The following MATR3 variants were observed in gnomAD, a reference collection of about 807,000 sequenced individuals.
MATR3 encodes matrin 3.
Under a neutral mutation model 85.5 loss-of-function variants are expected in MATR3, and 4 were observed. That is an observed-to-expected ratio of 0.05 (90% CI 0.02 to 0.11). MATR3 has a LOEUF of 0.11. Ranked by LOEUF, MATR3 falls within the 10% of genes least tolerant of loss-of-function variation. The pLI is 1.00. For synonymous variants in MATR3, 336 were observed against 343.1 expected (o/e 0.98, Z 0.23); for missense variants, 685 against 1,016.1 (o/e 0.67, Z 4.43).
At chr5:139,287,929 G>A (rs914268729) in intron 3 of MATR3, among the ~76,000 whole-genome samples, 1 of 152,132 alleles carries the variant, frequency 6.6e-6, no homozygotes, top group African/African-American at 2.4e-5. Flanking sequence ...TAATTTTGGT[G>A]GCCGGGCATG....
chr5:139,325,212 C>T lies in MATR3; in HGVS notation c.2149-228C>T, dbSNP rs997902091. ...CGTCTCAAAAAAAAAAAGGCAAAGACGCTATCCGTTTCCCTTCAAGTAAAG... is the reference window on the plus strand; with the variant it reads ...CGTCTCAAAAAAAAAAAGGCAAAGATGCTATCCGTTTCCCTTCAAGTAAAG... On this transcript the variant is annotated intron_variant, in intron 12 of 14. Coordinates refer to ENST00000394805, the MANE Select transcript of MATR3 (RefSeq NM_018834.6). 53 of 1,495,592 alleles carry T rather than the reference C, an allele frequency of 3.5e-5. No homozygotes were observed. In the East Asian group the frequency reaches 8.1e-4, roughly 23 times the overall value. The allele number at this position is 1,495,592 out of a possible 1,614,324, so 92.6% of individuals were successfully genotyped here.
At chr5:139,304,224 G>A (rs969449102) in intron 1 of MATR3, among the ~76,000 whole-genome samples, 7 of 151,934 alleles carry the variant, frequency 4.6e-5, no homozygotes, top group South Asian at 2.1e-4. Context: ...TTTGGTTATC[G>A]GGCCAGGCGT....
upstream of MATR3, among the ~76,000 whole-genome samples, chr5:139,292,973 G>A (rs1195495354): frequency 6.6e-6 from 1 of 152,150 alleles, no homozygotes; most frequent in Non-Finnish European, 1.5e-5. Flanking sequence ...AAAAACAGCT[G>A]GCTGGGCGTG....
At chr5:139,275,894 C>G (rs1323616031) in intron 1 of MATR3, among the ~76,000 whole-genome samples, 1 of 152,186 alleles carries the variant, frequency 6.6e-6, no homozygotes, top group African/African-American at 2.4e-5. Context: ...GGGGATAGAG[C>G]CAGGCTCCCT....
chr5:139,293,306 TCCCTTTGTGGC>T (rs1420489430), upstream of MATR3: 1 of 152,126 alleles, frequency 6.6e-6, no homozygotes, highest in African/African-American at 2.4e-5. Context: ...GGTATCGTTT[TCCCTTTGTGGC>T]CCCAATATCT....
chr5:139,317,463 C>G (rs1470519284), intron 6 of MATR3, 133 bp from the exon 7 acceptor site: 2 of 897,974 alleles, frequency 2.2e-6, no homozygotes, highest in Non-Finnish European at 3.5e-6. Flanking sequence ...CTTTAAAATT[C>G]TCTAGAATGT....
intron 1 of MATR3, among the ~76,000 whole-genome samples, chr5:139,301,413 G>T (rs949854055): frequency 1.3e-5 from 2 of 151,888 alleles, no homozygotes; most frequent in Non-Finnish European, 2.9e-5. Flanking sequence ...TCCACCTCCC[G>T]GGTTCAAGAG....
chr5:139,316,397 C>G lies in MATR3; in HGVS notation c.1129+209C>G, dbSNP rs575549387. 5.3e-5 allele frequency among the ~76,000 whole-genome samples: 8 copies of G among 152,118 alleles called. No individual in the cohort carries two copies. The East Asian group carries it at 1.4e-3, about 26-fold the overall frequency. On this transcript the variant is annotated intron_variant, in intron 5 of 14. Coordinates refer to ENST00000394805, the MANE Select transcript of MATR3 (RefSeq NM_018834.6). ...AGTAGCTGGGATTACAGGTGCCCAC[C>G]ACCACGCCCAGCTAATTTTCGTATT...
intron 9 of MATR3, among the ~76,000 whole-genome samples, chr5:139,321,096 A>G (rs151138601): frequency 1.8e-4 from 28 of 151,540 alleles, no homozygotes; most frequent in African/African-American, 6.5e-4. Context: ...ATGGCTTAGT[A>G]TTTGGCACTA....
chr5:139,275,286 C>T (rs993977313), intron 1 of MATR3, among the ~76,000 whole-genome samples: 1 of 151,614 alleles, frequency 6.6e-6, no homozygotes. Context: ...CGTGAGCCAC[C>T]GCGCCCGGCC....
At position 139,322,935 on chromosome 5, in the gene MATR3, G is replaced by A. The variant is rs1280780952; in HGVS notation, c.2116G>A (p.Ala706Thr). 1 of 1,614,038 alleles carries A rather than the reference G, an allele frequency of 6.2e-7. No homozygotes were observed. Among genetic ancestry groups the A allele is most frequent in the South Asian group, 1.1e-5 (1 of 91,064 alleles). ...TAAAGCTGTGAAAAAAGATGGAAGT[G>A]CTTCAGCAGCAGCAAAGAAAAAGCT... The part of the protein sequence containing the change: ...SDKAVKKDGS[A>T]SAAAKKKLKK... Residue 706 changes from alanine (A) to threonine (T), a missense_variant, in exon 12 of 15, where the codon GCT becomes ACT. Physicochemically the swap from Ala to Thr is moderately conservative, Grantham distance 58. Coordinates refer to ENST00000394805, the MANE Select transcript of MATR3 (RefSeq NM_018834.6).
At chr5:139,296,937 A>G (rs1381859113) in intron 1 of MATR3, among the ~76,000 whole-genome samples, 1 of 152,224 alleles carries the variant, frequency 6.6e-6, no homozygotes, top group Non-Finnish European at 1.5e-5. Context: ...TAGGAGGCCA[A>G]GGCGGGCGGA....
At chr5:139,286,898 G>A (rs1377228040) in intron 3 of MATR3, among the ~76,000 whole-genome samples, 2 of 151,846 alleles carry the variant, frequency 1.3e-5, no homozygotes, top group African/African-American at 4.8e-5. Flanking sequence ...CTGCTTAGTA[G>A]AGCATGTAAA....
chr5:139,314,408 CTA>C (rs1755144267), intron 2 of MATR3: 1 of 417,584 alleles, frequency 2.4e-6, no homozygotes, highest in South Asian at 2.2e-5. Context: ...TTTATTAACT[CTA>C]TATCTTTTCC....
chr5:139,276,414 A>G (rs1489348212), intron 2 of MATR3: 2 of 339,414 alleles, frequency 5.9e-6, no homozygotes, highest in Non-Finnish European at 1.2e-5. Context: ...AAATATAGTA[A>G]CACTAACGAT....
At chr5:139,314,012 G>C (rs1315791054) in intron 2 of MATR3, 4 of 152,664 alleles carry the variant, frequency 2.6e-5, no homozygotes, top group Non-Finnish European at 5.8e-5. Context: ...CGCCTTTTGG[G>C]TTCAAGAGAT....
chr5:139,293,561 GAAC>G (rs1217735858), upstream of MATR3: 3 of 165,122 alleles, frequency 1.8e-5, no homozygotes, highest in Non-Finnish European at 2.6e-5. Flanking sequence ...CGGGATTAAA[GAAC>G]AACGACCGCA....
At chr5:139,314,854 A>G (rs748693404) in intron 3 of MATR3, 118 bp downstream of exon 3, 30 of 849,242 alleles carry the variant, frequency 3.5e-5, no homozygotes, top group Non-Finnish European at 5.3e-5. Flanking sequence ...ACATAGTGGT[A>G]CTGTATGGAC....
At position 139,331,668 on chromosome 5, in the gene MATR3, A is replaced by G. The variant is rs1461953159; in HGVS notation, c.*2273A>G. 2.3e-6 allele frequency: 1 copy of G among 438,228 alleles called. No individual in the cohort carries two copies. The highest frequency in any genetic ancestry group is 4.5e-6 in the Non-Finnish European group (1 of 220,686). 27.1% of individuals were successfully genotyped at this position (438,228 alleles called of 1,614,324 possible). A position where few individuals can be genotyped will look rare whatever the true frequency, so the allele number is the denominator to read the frequency against. ...TACAAAAGTGAATGAAACTTCTAGA[A>G]GTACCTTGAGTTTGTTTTACAGTTC... On this transcript the variant is annotated 3_prime_UTR_variant, in exon 15 of 15. Coordinates refer to ENST00000394805, the MANE Select transcript of MATR3 (RefSeq NM_018834.6).
Sources: allele counts gnomAD v4.1 joint callset (sites outside exome capture counted in the v4.1 genomes callset), GRCh38; gene constraint gnomAD v4.1.1; transcripts MANE v1.5; gene names NCBI Gene and HGNC (gene_info 2026-07-23, HGNC 2026-07-21).